The following ATRN variants were observed in gnomAD, a reference collection of about 807,000 sequenced individuals.
ATRN encodes the protein attractin-2.
Under a neutral mutation model 178.7 loss-of-function variants are expected in ATRN, and 54 were observed. That is an observed-to-expected ratio of 0.30 (90% CI 0.24 to 0.38). ATRN has a LOEUF of 0.38. ATRN is among the 10% of genes least tolerant of loss of function. The pLI is 1.00. For synonymous variants in ATRN, 636 were observed against 663.0 expected (o/e 0.96, Z 0.63); for missense variants, 1,443 against 1,815.1 (o/e 0.79, Z 3.73).
chr20:3,550,997 T>G (rs2146206662), intron 6 of ATRN, among the ~76,000 whole-genome samples: 1 of 152,350 alleles, frequency 6.6e-6, no homozygotes. Flanking sequence ...CCACCCTGCT[T>G]CTTCTGTGGT....
chr20:3,547,305 C>T lies in ATRN; in HGVS notation c.759C>T (p.Asn253=). 1 of 1,613,932 alleles carries T rather than the reference C, an allele frequency of 6.2e-7. No individual in the cohort carries two copies. The highest frequency in any genetic ancestry group is 8.5e-7 in the Non-Finnish European group (1 of 1,179,806). ...ITYSFDMCPN[N]CSGRGECKIS... ...ACAGTTTTGATATGTGTCCAAATAA[C>T]TGCTCAGGCCGAGGAGAGTGTAAGA... Residue 253 remains asparagine (N), a synonymous_variant, in exon 5 of 29, where the codon AAC becomes AAT. Transcript: ENST00000262919.
intron 25 of ATRN, among the ~76,000 whole-genome samples, chr20:3,626,117 A>C (rs2086936811): frequency 6.6e-6 from 1 of 152,016 alleles, no homozygotes; most frequent in Non-Finnish European, 1.5e-5. Context: ...CTGTAGTCCC[A>C]GCTAATCAGG....
chr20:3,533,225 C>T (rs980191745), intron 1 of ATRN, among the ~76,000 whole-genome samples: 20 of 152,232 alleles, frequency 1.3e-4, no homozygotes, highest in African/African-American at 4.8e-4. Context: ...TCCCTGTCCA[C>T]ACACTTTCCT....
chr20:3,650,387 TAAAAC>T lies in ATRN; in HGVS notation c.*3545_*3549del, dbSNP rs779802225. 20 of 152,744 alleles carry T rather than the reference TAAAAC, an allele frequency of 1.3e-4. No homozygotes were observed. Among genetic ancestry groups the T allele is most frequent in the African/African-American group, 2.2e-4 (9 of 41,560 alleles). 9.5% of individuals were successfully genotyped at this position (152,744 alleles called of 1,614,324 possible). Reference sequence around the variant, plus strand: ...GAGATGTAAAAATAGATTTTAGAATTAAAACAAAATCCAAGTCCTCACACCCCTGT... The same window carrying T: ...GAGATGTAAAAATAGATTTTAGAATTAAAATCCAAGTCCTCACACCCCTGT... On this transcript the variant is annotated 3_prime_UTR_variant, in exon 29 of 29. Coordinates refer to ENST00000262919, the MANE Select transcript of ATRN (RefSeq NM_139321.3).
At chr20:3,602,876 T>C (rs2086628925) in intron 23 of ATRN, among the ~76,000 whole-genome samples, 1 of 146,398 alleles carries the variant, frequency 6.8e-6, no homozygotes, top group Non-Finnish European at 1.5e-5. Flanking sequence ...GGCAGGAGAA[T>C]TGCTTGAACC....
chr20:3,490,754 G>C (rs1479083012), intron 1 of ATRN: 1 of 789,758 alleles, frequency 1.3e-6, no homozygotes, highest in Admixed American at 1.7e-5. Context: ...TTATTTACTC[G>C]AGTCTATTAT....
intron 6 of ATRN, among the ~76,000 whole-genome samples, chr20:3,552,098 C>T (rs944668955): frequency 5.3e-5 from 8 of 152,310 alleles, no homozygotes; most frequent in African/African-American, 1.9e-4. Context: ...TTCTAGGACA[C>T]CACATCCCCT....
intron 11 of ATRN, among the ~76,000 whole-genome samples, chr20:3,570,921 GTTC>G (rs1172594225): frequency 2.6e-5 from 4 of 152,150 alleles, no homozygotes; most frequent in East Asian, 1.9e-4. Context: ...AAACTGTGGT[GTTC>G]TTCTTTTTAA....
intron 24 of ATRN, among the ~76,000 whole-genome samples, chr20:3,616,630 A>G (rs2086849964): frequency 6.6e-6 from 1 of 152,076 alleles, no homozygotes; most frequent in African/African-American, 2.4e-5. Context: ...GAGACTGGAG[A>G]TTGCAGGCTG....
intron 23 of ATRN, 74 bp from the exon 24 acceptor site, chr20:3,604,031 A>T: frequency 7.8e-7 from 1 of 1,277,668 alleles, no homozygotes; most frequent in African/African-American, 1.5e-5. Context: ...CCTTATTATT[A>T]ATGAGGCCAG....
chr20:3,530,539 A>G (rs1400451151), intron 1 of ATRN, among the ~76,000 whole-genome samples: 1 of 151,062 alleles, frequency 6.6e-6, no homozygotes, highest in East Asian at 1.9e-4. Flanking sequence ...TCAGCCTCCC[A>G]AAGTGCTGGG....
At position 3,545,906 on chromosome 20, in the gene ATRN, C is replaced by A; in HGVS notation, c.737+16C>A. On this transcript the variant is annotated intron_variant, in intron 4 of 28. Coordinates refer to ENST00000262919, the MANE Select transcript of ATRN (RefSeq NM_139321.3). ...TTACTTACAGGTAAGATACTTAAGT[C>A]TAGTATTTGTGATTTCATTCAGGAG... is the stretch of plus-strand genomic sequence containing the variant. 1 of 1,610,664 alleles carries A rather than the reference C, an allele frequency of 6.2e-7. No homozygotes were observed. Among genetic ancestry groups the A allele is most frequent in the South Asian group, 1.1e-5 (1 of 90,882 alleles).
intron 1 of ATRN, among the ~76,000 whole-genome samples, chr20:3,527,550 A>G (rs1463241717): frequency 6.6e-6 from 1 of 152,200 alleles, no homozygotes; most frequent in African/African-American, 2.4e-5. Flanking sequence ...ATACCATTTG[A>G]CCCAGCAATC....
rs181633809 is a variant in ATRN, at chr20:3,618,863, A to G, written c.3802-5648A>G. 1.6e-3 allele frequency among the ~76,000 whole-genome samples: 239 copies of G among 152,280 alleles called. 1 individual carries two copies. The highest frequency in any genetic ancestry group is 5.6e-3 in the African/African-American group (231 of 41,542). ...TGGTGGTTTTGTTTCGTTTTTTAAG[A>G]AAAAAGGAAGAGTTGTTTTATGTCA... On this transcript the variant is annotated intron_variant, in intron 24 of 28. Coordinates refer to ENST00000262919, the MANE Select transcript of ATRN (RefSeq NM_139321.3).
At chr20:3,623,362 G>T (rs2086911824) in intron 24 of ATRN, among the ~76,000 whole-genome samples, 1 of 152,130 alleles carries the variant, frequency 6.6e-6, no homozygotes, top group Non-Finnish European at 1.5e-5. Flanking sequence ...CCAGAGGGAG[G>T]ACACAAAAAC....
intron 6 of ATRN, among the ~76,000 whole-genome samples, chr20:3,557,595 G>GA (rs2085896097): frequency 6.6e-6 from 1 of 152,176 alleles, no homozygotes; most frequent in African/African-American, 2.4e-5. Context: ...AAGAGCTCAA[G>GA]AAAGAGAAGT....
At chr20:3,565,171 ATGCCCTGT>A (rs1488893227) in intron 10 of ATRN, among the ~76,000 whole-genome samples, 169 bp from the exon 11 acceptor site, 1 of 152,126 alleles carries the variant, frequency 6.6e-6, no homozygotes, top group Non-Finnish European at 1.5e-5. Flanking sequence ...CCTTTCTTCC[ATGCCCTGT>A]TGCTCTGCTG....
At chr20:3,637,502 T>C (rs1459358835) in intron 26 of ATRN, among the ~76,000 whole-genome samples, 2 of 152,196 alleles carry the variant, frequency 1.3e-5, no homozygotes, top group Non-Finnish European at 2.9e-5. Flanking sequence ...AAAAATGCCC[T>C]TCTAGAACAG....
intron 11 of ATRN, among the ~76,000 whole-genome samples, chr20:3,565,796 C>CAAAAA (rs10582104): frequency 2.0e-5 from 2 of 100,244 alleles, no homozygotes; most frequent in Non-Finnish European, 4.0e-5. Context: ...GACTCTGTCT[C>CAAAAA]AAAAAAAAAA....
Sources: allele counts gnomAD v4.1 joint callset (sites outside exome capture counted in the v4.1 genomes callset), GRCh38; gene constraint gnomAD v4.1.1; transcripts MANE v1.5; gene names NCBI Gene and HGNC (gene_info 2026-07-23, HGNC 2026-07-21).